Variants in IWS1 observed in about 807,000 individuals in gnomAD.
The protein encoded by IWS1 is interacts with SUPT6H, CTD assembly factor 1.
In IWS1, 27 loss-of-function variants were observed where a neutral mutation model predicts 86.7. The observed-to-expected ratio is 0.31, with a 90% CI of 0.23 to 0.43. The LOEUF is 0.43. Among genes scored for constraint, IWS1 ranks in the 20% least tolerant of loss-of-function variants. IWS1 has a pLI of 1.00. For synonymous variants in IWS1, 313 were observed against 335.1 expected, an observed-to-expected ratio of 0.93 and a Z score of 0.72; for missense variants, 827 against 1,000.8, an observed-to-expected ratio of 0.83 and a Z score of 2.34.
intron 5 of IWS1, 59 bp from the exon 6 acceptor site, chr2:127,498,296 A>G (rs1353147845): frequency 1.3e-6 from 2 of 1,529,586 alleles, no homozygotes; most frequent in Non-Finnish European, 1.8e-6. Flanking sequence ...AGTGTTCTTA[A>G]TATTTTGCAT....
chr2:127,523,246 A>T (rs1214365929), intron 2 of IWS1, among the ~76,000 whole-genome samples: 1 of 152,110 alleles, frequency 6.6e-6, no homozygotes, highest in East Asian at 1.9e-4. Flanking sequence ...CATTATATAC[A>T]CCGTAACAGT....
At chr2:127,526,010 G>A (rs1376985968) in intron 1 of IWS1, among the ~76,000 whole-genome samples, 165 bp downstream of exon 1, 1 of 152,242 alleles carries the variant, frequency 6.6e-6, no homozygotes, top group Non-Finnish European at 1.5e-5. Context: ...CAACGTTCTA[G>A]CTTCGACGCT....
intron 1 of IWS1, among the ~76,000 whole-genome samples, chr2:127,524,805 T>C (rs1243202954): frequency 6.6e-6 from 1 of 151,958 alleles, no homozygotes; most frequent in Non-Finnish European, 1.5e-5. Context: ...TCGGTCTACT[T>C]TTTAAAAAGT....
intron 13 of IWS1, among the ~76,000 whole-genome samples, chr2:127,485,057 G>A (rs1689858136): frequency 6.6e-6 from 1 of 152,046 alleles, no homozygotes; most frequent in Non-Finnish European, 1.5e-5. Flanking sequence ...ACAGGTACAG[G>A]GGACATGGAG....
Position 127,523,722 on chromosome 2 carries a change from T to C in IWS1, c.104A>G (p.Glu35Gly). ...SGSDGEDDVN[E>G]QHSGSDTGSV... The stretch of plus-strand genomic sequence containing the variant: ...TCCAGTGTCTGATCCGGAGTGTTGC[T>C]CATTTACATCATCCTCACCGTCTGA... The change falls in exon 2 of 14, where the codon GAG becomes GGG. Residue 35 changes from glutamate (E) to glycine (G), a missense_variant. Coordinates refer to ENST00000295321, the MANE Select transcript of IWS1 (RefSeq NM_017969.3). 1.2e-6 allele frequency: 2 copies of C among 1,614,018 alleles called. No homozygotes were observed. The highest frequency in any genetic ancestry group is 1.7e-6 in the Non-Finnish European group (2 of 1,179,976).
intron 4 of IWS1, 32 bp downstream of exon 4, chr2:127,503,355 C>T (rs1423413557): frequency 9.7e-6 from 15 of 1,539,750 alleles, no homozygotes; most frequent in Admixed American, 8.7e-5. Context: ...TAATTAAGAA[C>T]CCCTGAAAAC....
chr2:127,518,075 A>G (rs1181996629), intron 2 of IWS1, among the ~76,000 whole-genome samples: 2 of 152,186 alleles, frequency 1.3e-5, no homozygotes, highest in African/African-American at 4.8e-5. Context: ...GGGTAGGCAA[A>G]GGGAAGAGGA....
In IWS1 at chr2:127,499,105, T is replaced by TC. The variant is rs1430887622; in HGVS notation, c.1468-869_1468-868insG. 6.6e-6 allele frequency among the ~76,000 whole-genome samples: 1 copy of TC among 151,092 alleles called. No individual in the cohort carries two copies. Among genetic ancestry groups the TC allele is most frequent in the African/African-American group, 2.4e-5 (1 of 41,180 alleles). On this transcript the variant is annotated intron_variant, in intron 5 of 13. Coordinates refer to ENST00000295321, the MANE Select transcript of IWS1 (RefSeq NM_017969.3). The surrounding 1 kb of genome is among the most constrained non-coding windows in gnomAD (Gnocchi z 4.0). ...ATAATTTTTCTTTTTCTTTTTTTTTTTTTGAGACGGAGTCTCACTGTGTCG... is the reference window on the plus strand; with the variant it reads ...ATAATTTTTCTTTTTCTTTTTTTTTTCTTTGAGACGGAGTCTCACTGTGTCG...
chr2:127,494,089 T>A (rs1690380830), intron 8 of IWS1, among the ~76,000 whole-genome samples: 3 of 151,426 alleles, frequency 2.0e-5, no homozygotes, highest in Non-Finnish European at 4.4e-5. Context: ...GAAAGCAAGG[T>A]TGCTCAGAAA....
intron 13 of IWS1, 83 bp from the exon 14 acceptor site, chr2:127,481,258 A>G: frequency 7.8e-7 from 1 of 1,281,254 alleles, no homozygotes; most frequent in Non-Finnish European, 1.0e-6. Context: ...TAACTGAGTT[A>G]GCAACCAGAA....
At chr2:127,493,836 C>CAAAAAAAAAAAAAA (rs35810945) in intron 8 of IWS1, among the ~76,000 whole-genome samples, 1 of 93,028 alleles carries the variant, frequency 1.1e-5, no homozygotes. Context: ...ACTGGCAGGA[C>CAAAAAAAAAAAAAA]AAAAAAAAAA....
At chr2:127,507,376 T>C (rs1691202026) in intron 2 of IWS1, among the ~76,000 whole-genome samples, 1 of 152,202 alleles carries the variant, frequency 6.6e-6, no homozygotes, top group Admixed American at 6.5e-5. Flanking sequence ...ACACAGTCAC[T>C]GAAATATAGC....
In IWS1 at chr2:127,489,086, A is replaced by G; in HGVS notation, c.2216+93T>C. Reference sequence around the variant, plus strand: ...ATGAAAGTCACCTCCCACAAATGAGAGCATAACATCATTTCATTTACTACT... The same window carrying G: ...ATGAAAGTCACCTCCCACAAATGAGGGCATAACATCATTTCATTTACTACT... On this transcript the variant is annotated intron_variant, in intron 12 of 13. Transcript: ENST00000295321. The surrounding 1 kb of genome is among the most constrained non-coding windows in gnomAD (Gnocchi z 4.8). 1.2e-6 allele frequency: 1 copy of G among 862,206 alleles called. No individual in the cohort carries two copies. The highest frequency in any genetic ancestry group is 2.5e-5 in the East Asian group (1 of 40,560). The allele number at this position is 862,206 out of a possible 1,614,324, so 53.4% of individuals were successfully genotyped here.
chr2:127,499,468 T>C lies in IWS1; in HGVS notation c.1468-1231A>G, dbSNP rs1197396447. On this transcript the variant is annotated intron_variant, in intron 5 of 13. Transcript: ENST00000295321. The surrounding 1 kb of genome is among the most constrained non-coding windows in gnomAD (Gnocchi z 4.0). ...CCTTTTGTGTTATACTTAGAGGCTT[T>C]CTCAATGGTTCACCTAGTACAATTT... Among the ~76,000 whole-genome samples the C allele has an allele frequency of 6.6e-6, 1 of 152,196 alleles. No homozygotes were observed. Among genetic ancestry groups the C allele is most frequent in the Non-Finnish European group, 1.5e-5 (1 of 68,030 alleles).
intron 2 of IWS1, among the ~76,000 whole-genome samples, chr2:127,516,115 A>T (rs932360630): frequency 3.3e-5 from 5 of 151,396 alleles, no homozygotes; most frequent in Middle Eastern, 3.4e-3. Context: ...ACTCATTCCC[A>T]CTCCTCCACT....
intron 10 of IWS1, among the ~76,000 whole-genome samples, chr2:127,491,595 C>T (rs1418897825): frequency 6.6e-6 from 1 of 152,122 alleles, no homozygotes; most frequent in Non-Finnish European, 1.5e-5. Context: ...TCGTGTATAC[C>T]ACCATGCCCG....
Position 127,496,046 on chromosome 2 carries a change from T to G in IWS1, c.1668A>C (p.Ala556=). The G allele has an allele frequency of 6.2e-7, 1 of 1,613,976 alleles. No individual in the cohort carries two copies. Among genetic ancestry groups the G allele is most frequent in the South Asian group, 1.1e-5 (1 of 91,066 alleles). The change falls in exon 7 of 14, where the codon GCA becomes GCC. Residue 556 remains alanine, a synonymous_variant. Transcript: ENST00000295321. ...NRDGGTFISD[A]DDVVSAMIVK... is the part of the protein sequence containing the mutation. ...CGATCATGGCACTCACGACGTCGTC[T>G]GCATCACTAATAAAGGTGCCACCAT...
intron 2 of IWS1, among the ~76,000 whole-genome samples, chr2:127,521,334 A>C (rs947263268): frequency 1.3e-5 from 2 of 152,256 alleles, no homozygotes; most frequent in Non-Finnish European, 2.9e-5. Flanking sequence ...TACCTGGGAC[A>C]GAATGAAACT....
chr2:127,493,275 T>A lies in IWS1; in HGVS notation c.1929+6A>T. ...ATAAAGAACAGTCAGATTATCTGCCTCTAACCTCTTGCAGGATCTTCAGCA... is the reference window on the plus strand; with the variant it reads ...ATAAAGAACAGTCAGATTATCTGCCACTAACCTCTTGCAGGATCTTCAGCA... On this transcript the variant is annotated splice_donor_region_variant and intron_variant, in intron 9 of 13. Coordinates refer to ENST00000295321, the MANE Select transcript of IWS1 (RefSeq NM_017969.3). 1 of 1,609,668 alleles carries A rather than the reference T, an allele frequency of 6.2e-7. No individual in the cohort carries two copies. The highest frequency in any genetic ancestry group is 1.1e-5 in the South Asian group (1 of 90,442).
Sources: gnomAD v4.1 joint callset for allele counts (sites outside exome capture counted in the v4.1 genomes callset) on GRCh38, gnomAD v4.1.1 for gene constraint, Gnocchi (gnomAD v3.1) non-coding constraint, MANE v1.5 for transcripts, NCBI Gene and HGNC (gene_info 2026-07-23, HGNC 2026-07-21) for gene names.